RAB38: variants seen among roughly 807,000 people sequenced by gnomAD.
RAB38 encodes RAB38, member RAS oncogene family, also known as ras-related protein Rab-38.
Under a neutral mutation model 18.4 loss-of-function variants are expected in RAB38, and 15 were observed. The observed-to-expected ratio is 0.82, with a 90% CI of 0.55 to 1.26. The LOEUF is 1.26. Ranked by LOEUF, RAB38 falls within the 50% of genes most tolerant of loss-of-function variation. RAB38 has a pLI of 0.00. For synonymous variants in RAB38, 101 were observed against 104.4 expected (o/e 0.97, Z 0.20); for missense variants, 294 against 267.4 (o/e 1.10, Z -0.69).
At chr11:87,952,103 C>T in the RAB38 span, among the ~76,000 whole-genome samples, 21 of 152,116 alleles carry the variant, frequency 1.4e-4, no homozygotes, top group Admixed American at 5.9e-4. Context: ...CCTGGGAGCT[C>T]GCTGCATCCC....
the RAB38 span, among the ~76,000 whole-genome samples, chr11:88,057,012 G>T: frequency 6.6e-6 from 1 of 152,026 alleles, no homozygotes; most frequent in South Asian, 2.1e-4. Flanking sequence ...CAGGTACTAG[G>T]TATGAGTCCT....
At chr11:88,134,127 T>C (rs1942801025) in intron 2 of RAB38, among the ~76,000 whole-genome samples, 1 of 152,248 alleles carries the variant, frequency 6.6e-6, no homozygotes. Context: ...ACATCTGCTC[T>C]TAGATGTATA....
At chr11:88,168,029 C>A (rs1024444920) in intron 1 of RAB38, among the ~76,000 whole-genome samples, 1 of 152,176 alleles carries the variant, frequency 6.6e-6, no homozygotes. Flanking sequence ...AAGTGTAACT[C>A]AAAACATCTA....
the RAB38 span, among the ~76,000 whole-genome samples, chr11:87,893,248 A>G: frequency 6.6e-6 from 1 of 150,576 alleles, no homozygotes; most frequent in Non-Finnish European, 1.5e-5. Flanking sequence ...TCAGAGTTTT[A>G]GTTATCAAAG....
At chr11:88,050,528 G>A in the RAB38 span, among the ~76,000 whole-genome samples, 1 of 152,186 alleles carries the variant, frequency 6.6e-6, no homozygotes, top group South Asian at 2.1e-4. Flanking sequence ...GAAGGTGAAG[G>A]AAAGGAAAAG....
the RAB38 span, among the ~76,000 whole-genome samples, chr11:87,824,516 A>C: frequency 6.6e-6 from 1 of 152,222 alleles, no homozygotes; most frequent in East Asian, 1.9e-4. Flanking sequence ...AAAGCTTAAA[A>C]TAAAAAACTG....
At chr11:87,815,778 G>A in the RAB38 span, 1 of 152,332 alleles carries the variant, frequency 6.6e-6, no homozygotes, top group South Asian at 2.1e-4. Flanking sequence ...CTATGAATGT[G>A]GTTCCTATAG....
At chr11:87,819,102 G>A in the RAB38 span, among the ~76,000 whole-genome samples, 1 of 152,210 alleles carries the variant, frequency 6.6e-6, no homozygotes, top group East Asian at 1.9e-4. Context: ...GATTTCTGTT[G>A]GAGTTCTATT....
intron 2 of RAB38, among the ~76,000 whole-genome samples, chr11:88,129,853 T>A (rs915546326): frequency 6.6e-6 from 1 of 152,222 alleles, no homozygotes; most frequent in African/African-American, 2.4e-5. Context: ...AATTTTAATC[T>A]TATATTTTAT....
chr11:87,833,532 AATG>A, the RAB38 span, among the ~76,000 whole-genome samples: 1 of 152,222 alleles, frequency 6.6e-6, no homozygotes, highest in Non-Finnish European at 1.5e-5. Context: ...GTCGATTTGT[AATG>A]ATAACAGATA....
At chr11:87,947,893 A>G in the RAB38 span, among the ~76,000 whole-genome samples, 2 of 152,270 alleles carry the variant, frequency 1.3e-5, no homozygotes, top group Admixed American at 6.5e-5. Context: ...TTTTGGTTCC[A>G]TATGAACTCT....
At chr11:88,043,607 C>T in the RAB38 span, among the ~76,000 whole-genome samples, 1 of 137,496 alleles carries the variant, frequency 7.3e-6, no homozygotes, top group Admixed American at 7.2e-5. Context: ...TTGTGACCCC[C>T]CCACCCTGCC....
At chr11:87,861,565 G>T in the RAB38 span, among the ~76,000 whole-genome samples, 5 of 151,750 alleles carry the variant, frequency 3.3e-5, no homozygotes, top group African/African-American at 1.2e-4. Context: ...GATGCTCAGG[G>T]CATTTTGCTT....
the RAB38 span, among the ~76,000 whole-genome samples, chr11:87,946,365 A>G: frequency 2.0e-5 from 3 of 152,112 alleles, no homozygotes; most frequent in Non-Finnish European, 4.4e-5. Flanking sequence ...GAAAACCATT[A>G]GAGGCTCTAT....
At chr11:88,145,589 C>A (rs1346271185) in intron 2 of RAB38, among the ~76,000 whole-genome samples, 1 of 152,040 alleles carries the variant, frequency 6.6e-6, no homozygotes, top group African/African-American at 2.4e-5. Flanking sequence ...GGTAGCAGAA[C>A]CCAGTCAGCC....
chr11:87,873,544 T>C, the RAB38 span, among the ~76,000 whole-genome samples: 1 of 151,464 alleles, frequency 6.6e-6, no homozygotes. Context: ...CCCAAAGTCA[T>C]CTAGATTTTC....
At chr11:87,836,365 AT>A in the RAB38 span, among the ~76,000 whole-genome samples, 1 of 151,962 alleles carries the variant, frequency 6.6e-6, no homozygotes, top group African/African-American at 2.4e-5. Flanking sequence ...TATCTACCTG[AT>A]TTCTCAGTCC....
chr11:88,081,443 C>G, the RAB38 span, among the ~76,000 whole-genome samples: 1 of 151,876 alleles, frequency 6.6e-6, no homozygotes, highest in African/African-American at 2.4e-5. Flanking sequence ...GTTATAGATG[C>G]CAGAAGTTAT....
chr11:88,034,969 T>A, the RAB38 span, among the ~76,000 whole-genome samples: 9 of 152,358 alleles, frequency 5.9e-5, no homozygotes, highest in East Asian at 1.7e-3. Context: ...CAGCTGCATA[T>A]GAGAGCTCCT....
Sources: allele counts gnomAD v4.1 joint callset (sites outside exome capture counted in the v4.1 genomes callset), GRCh38; gene constraint gnomAD v4.1.1; transcripts MANE v1.5; gene names NCBI Gene and HGNC (gene_info 2026-07-23, HGNC 2026-07-21).